The following DECR1 variants were observed in gnomAD, a reference collection of about 807,000 sequenced individuals.
The protein encoded by DECR1 is 2,4-dienoyl-CoA reductase [(3E)-enoyl-CoA-producing], mitochondrial.
Under a neutral mutation model 38.8 loss-of-function variants are expected in DECR1, and 44 were observed. That is an observed-to-expected ratio of 1.13 (90% CI 0.89 to 1.46). DECR1 has a LOEUF of 1.46. DECR1 is among the 40% of genes most tolerant of loss of function. The probability of loss-of-function intolerance (pLI) is 0.00; values close to 1 mark genes in which losing one functional copy is unlikely to be tolerated. For synonymous variants in DECR1, 148 were observed against 135.2 expected, an observed-to-expected ratio of 1.09 and a Z score of -0.66; for missense variants, 428 against 405.5, an observed-to-expected ratio of 1.06 and a Z score of -0.48.
intron 1 of DECR1, among the ~76,000 whole-genome samples, chr8:90,007,943 A>T (rs753052068): frequency 6.6e-6 from 1 of 152,248 alleles, no homozygotes; most frequent in Non-Finnish European, 1.5e-5. Flanking sequence ...CTGCACTTTT[A>T]TCCCTTCCAG....
At chr8:90,023,517 G>A (rs1472503115) in intron 5 of DECR1, among the ~76,000 whole-genome samples, 1 of 151,744 alleles carries the variant, frequency 6.6e-6, no homozygotes, top group Non-Finnish European at 1.5e-5. Context: ...TTTATTGGAT[G>A]GGACCTTCAC....
intron 1 of DECR1, 140 bp from the exon 2 acceptor site, chr8:90,016,984 G>A (rs1813023580): frequency 1.6e-6 from 1 of 633,720 alleles, no homozygotes; most frequent in African/African-American, 1.8e-5. Flanking sequence ...TAATAATTAA[G>A]TACAATACCA....
chr8:90,026,431 T>C (rs544963873), intron 5 of DECR1, among the ~76,000 whole-genome samples: 1 of 152,326 alleles, frequency 6.6e-6, no homozygotes, highest in South Asian at 2.1e-4. Flanking sequence ...GGGATTCAAC[T>C]TCCTCCTGGT....
chr8:90,006,897 G>C (rs1014932603), intron 1 of DECR1, among the ~76,000 whole-genome samples: 12 of 152,166 alleles, frequency 7.9e-5, no homozygotes, highest in Non-Finnish European at 5.9e-5. Context: ...TGGCCCCTGA[G>C]CTAAGGACAG....
chr8:90,044,549 G>A (rs547950391), intron 7 of DECR1, among the ~76,000 whole-genome samples: 1 of 152,266 alleles, frequency 6.6e-6, no homozygotes, highest in African/African-American at 2.4e-5. Flanking sequence ...TACCACCTAA[G>A]CTTGTACATA....
intron 5 of DECR1, among the ~76,000 whole-genome samples, chr8:90,025,231 T>TA (rs1248400343): frequency 6.6e-6 from 1 of 152,184 alleles, no homozygotes; most frequent in Non-Finnish European, 1.5e-5. Context: ...ATATGAACTT[T>TA]AAAGTAGTTT....
chr8:90,041,184 T>C (rs1813752040), intron 6 of DECR1, among the ~76,000 whole-genome samples: 1 of 152,202 alleles, frequency 6.6e-6, no homozygotes, highest in Non-Finnish European at 1.5e-5. Context: ...CATGAGATGG[T>C]ATCTCGTGGT....
intron 5 of DECR1, among the ~76,000 whole-genome samples, chr8:90,021,635 A>C (rs1813167667): frequency 6.6e-6 from 1 of 152,250 alleles, no homozygotes; most frequent in Non-Finnish European, 1.5e-5. Context: ...AGTGACAACA[A>C]GATGGATGAT....
intron 8 of DECR1, among the ~76,000 whole-genome samples, chr8:90,045,731 C>T (rs1813881819): frequency 6.6e-6 from 1 of 152,232 alleles, no homozygotes; most frequent in South Asian, 2.1e-4. Flanking sequence ...GACAGACTGG[C>T]CCCTCAACTG....
Position 90,019,151 on chromosome 8 carries a change from C to T in DECR1, c.396C>T (p.Ile132=). The part of the protein sequence containing the change: ...DMVQNTVSEL[I]KVAGHPNIVI... ...TTCAAAACACTGTGTCAGAACTGAT[C>T]AAAGTTGCAGGACATCCTAATGTAA... Residue 132 remains isoleucine, a synonymous_variant, in exon 4 of 10, where the codon ATC becomes ATT. Transcript: ENST00000220764. 1 of 1,614,054 alleles carries T rather than the reference C, an allele frequency of 6.2e-7. No individual in the cohort carries two copies. Among genetic ancestry groups the T allele is most frequent in the South Asian group, 1.1e-5 (1 of 91,056 alleles).
chr8:90,038,186 G>A (rs1460986506), intron 6 of DECR1, among the ~76,000 whole-genome samples: 1 of 152,078 alleles, frequency 6.6e-6, no homozygotes, highest in East Asian at 1.9e-4. Context: ...TTATTTCCAT[G>A]CTTTAATTTC....
intron 1 of DECR1, chr8:90,015,669 A>G (rs1428225799): frequency 2.2e-6 from 1 of 456,358 alleles, no homozygotes; most frequent in Admixed American, 2.3e-5. Context: ...AGGAAATGGT[A>G]GCTTCTGGAG....
chr8:90,018,612 A>G (rs1467049600), intron 2 of DECR1: 1 of 279,358 alleles, frequency 3.6e-6, no homozygotes, highest in Non-Finnish European at 6.9e-6. Context: ...ACCTACTAAC[A>G]TTATACCATG....
intron 5 of DECR1, among the ~76,000 whole-genome samples, chr8:90,024,371 C>T (rs887370452): frequency 2.0e-5 from 3 of 152,208 alleles, no homozygotes; most frequent in Non-Finnish European, 2.9e-5. Context: ...ACATCCTCTC[C>T]AGCACCTGTT....
chr8:90,044,767 A>G (rs1406272119), intron 7 of DECR1, 82 bp from the exon 8 acceptor site: 1 of 1,467,824 alleles, frequency 6.8e-7, no homozygotes, highest in Non-Finnish European at 9.2e-7. Context: ...GCAGCATGCC[A>G]TTTTATACAC....
chr8:90,015,489 C>T, intron 1 of DECR1: 5 of 344,622 alleles, frequency 1.5e-5, no homozygotes, highest in South Asian at 2.3e-5. Flanking sequence ...ATATTTGTTT[C>T]TTTTTTTTCA....
chr8:90,051,827 T>A lies in DECR1; in HGVS notation c.949-11T>A. Reference sequence around the variant, plus strand: ...AAAAAGGACATTAAATTGACATCTTTTTTGTGTTAGGTCACCAAGGAGCAG... The same window carrying A: ...AAAAAGGACATTAAATTGACATCTTATTTGTGTTAGGTCACCAAGGAGCAG... On this transcript the variant is annotated splice_polypyrimidine_tract_variant and intron_variant, in intron 9 of 9. Coordinates refer to ENST00000220764, the MANE Select transcript of DECR1 (RefSeq NM_001359.2). The A allele has an allele frequency of 6.2e-7, 1 of 1,613,816 alleles. No individual in the cohort carries two copies. Among genetic ancestry groups the A allele is most frequent in the Non-Finnish European group, 8.5e-7 (1 of 1,179,862 alleles).
At chr8:90,018,325 G>A (rs1191508233) in intron 2 of DECR1, among the ~76,000 whole-genome samples, 2 of 152,206 alleles carry the variant, frequency 1.3e-5, no homozygotes, top group African/African-American at 4.8e-5. Context: ...CTGTTCCAAA[G>A]TCTGAGGCTT....
Position 90,051,874 on chromosome 8 carries a change from A to C in DECR1, c.985A>C (p.Ile329Leu). 1 of 1,613,886 alleles carries C rather than the reference A, an allele frequency of 6.2e-7. No individual in the cohort carries two copies. The highest frequency in any genetic ancestry group is 8.5e-7 in the Non-Finnish European group (1 of 1,179,908). The change falls in exon 10 of 10, where the codon ATC becomes CTC. Residue 329 changes from isoleucine to leucine, a missense_variant. Ile to Leu is a conservative substitution (Grantham distance 5). Coordinates refer to ENST00000220764, the MANE Select transcript of DECR1 (RefSeq NM_001359.2). Reference sequence around the variant, plus strand: ...GCAGTGGGACACCATAGAAGAACTCATCAGGAAGACAAAAGGTTCCTAAGA... The same window carrying C: ...GCAGTGGGACACCATAGAAGAACTCCTCAGGAAGACAAAAGGTTCCTAAGA... Reference protein sequence around the residue: ...KEQWDTIEELIRKTKGS With the variant: ...KEQWDTIEELLRKTKGS
Sources: gnomAD v4.1 joint callset for allele counts (sites outside exome capture counted in the v4.1 genomes callset) on GRCh38, gnomAD v4.1.1 for gene constraint, MANE v1.5 for transcripts, NCBI Gene and HGNC (gene_info 2026-07-23, HGNC 2026-07-21) for gene names.